HIVEP3: variants seen among roughly 807,000 people sequenced by gnomAD.
The protein encoded by HIVEP3 is HIVEP zinc finger 3.
In HIVEP3, 49 loss-of-function variants were observed where a neutral mutation model predicts 152.8. That is an observed-to-expected ratio of 0.32 (90% CI 0.26 to 0.41). The LOEUF (loss-of-function observed/expected upper bound fraction) is 0.41, where lower values mean the gene tolerates loss of function less well. Ranked by LOEUF, HIVEP3 falls within the 10% of genes least tolerant of loss-of-function variation. The pLI, the probability that HIVEP3 is intolerant of heterozygous loss-of-function variation, is 1.00. For missense variants in HIVEP3, 2,790 were observed against 3,103.3 expected (o/e 0.90, Z 2.40); for synonymous variants, 1,269 against 1,289.0 (o/e 0.98, Z 0.33).
chr1:41,851,884 G>A (rs1428716445), intron 1 of HIVEP3, among the ~76,000 whole-genome samples: 1 of 152,120 alleles, frequency 6.6e-6, no homozygotes, highest in Non-Finnish European at 1.5e-5. Flanking sequence ...GCAATGAGGT[G>A]TACTGGAATG....
intron 5 of HIVEP3, among the ~76,000 whole-genome samples, chr1:41,569,735 A>G (rs1396777151): frequency 6.8e-6 from 1 of 148,070 alleles, no homozygotes; most frequent in Non-Finnish European, 1.5e-5. Context: ...ATACACAGGC[A>G]CACACACACA....
chr1:41,716,884 A>G (rs1270139088), intron 1 of HIVEP3, among the ~76,000 whole-genome samples: 1 of 152,212 alleles, frequency 6.6e-6, no homozygotes, highest in East Asian at 1.9e-4. Context: ...TGTCACTCTC[A>G]GGCATGACTC....
chr1:41,843,384 GA>G (rs1360215438), intron 1 of HIVEP3, among the ~76,000 whole-genome samples: 1 of 152,182 alleles, frequency 6.6e-6, no homozygotes. Context: ...GCATAAATCA[GA>G]AGTTGATTTC....
chr1:41,655,152 A>T (rs1645610063), intron 2 of HIVEP3, among the ~76,000 whole-genome samples: 2 of 152,114 alleles, frequency 1.3e-5, no homozygotes, highest in South Asian at 2.1e-4. Flanking sequence ...CCAGCTTCAA[A>T]TGAGATGTTT....
At chr1:41,757,395 G>C (rs1301854763) in intron 1 of HIVEP3, among the ~76,000 whole-genome samples, 1 of 151,898 alleles carries the variant, frequency 6.6e-6, no homozygotes, top group Non-Finnish European at 1.5e-5. Flanking sequence ...GGGATTACAG[G>C]CGTGAGCCAC....
chr1:41,561,648 G>T (rs576143400), intron 5 of HIVEP3, among the ~76,000 whole-genome samples: 114 of 131,102 alleles, frequency 8.7e-4, no homozygotes, highest in African/African-American at 2.7e-3. Context: ...GAGTAGCTGG[G>T]ACTATAGGCA....
chr1:41,556,713 A>G (rs898653238), intron 5 of HIVEP3, among the ~76,000 whole-genome samples: 11 of 152,208 alleles, frequency 7.2e-5, no homozygotes, highest in Non-Finnish European at 1.2e-4. Context: ...TGCCAAATCC[A>G]ATTTCATGAA....
At chr1:41,559,780 G>A (rs925879576) in intron 5 of HIVEP3, among the ~76,000 whole-genome samples, 1 of 152,210 alleles carries the variant, frequency 6.6e-6, no homozygotes, top group Non-Finnish European at 1.5e-5. Context: ...GAGGAATTAC[G>A]ATTAAGTGAT....
intron 1 of HIVEP3, among the ~76,000 whole-genome samples, chr1:41,967,881 T>TACAA (rs1464662510): frequency 6.6e-6 from 1 of 152,088 alleles, no homozygotes; most frequent in African/African-American, 2.4e-5. Flanking sequence ...CCCACAAAAA[T>TACAA]ACAAACAACT....
intron 5 of HIVEP3, among the ~76,000 whole-genome samples, chr1:41,549,032 ACCC>A (rs1450303404): frequency 2.3e-5 from 2 of 85,202 alleles, no homozygotes; most frequent in Non-Finnish European, 4.9e-5. Flanking sequence ...CCTGCCCCCC[ACCC>A]CCCAACAGGC....
chr1:41,828,861 G>T (rs1642878972), intron 1 of HIVEP3, among the ~76,000 whole-genome samples: 2 of 152,254 alleles, frequency 1.3e-5, no homozygotes, highest in Admixed American at 1.3e-4. Context: ...GCTCTTTAAA[G>T]TCTAGTTCAT....
At chr1:41,773,722 T>G (rs189263688) in intron 1 of HIVEP3, among the ~76,000 whole-genome samples, 38 of 152,330 alleles carry the variant, frequency 2.5e-4, no homozygotes, top group African/African-American at 8.9e-4. Flanking sequence ...CCAGAGAAAG[T>G]AAAAACTGCC....
intron 1 of HIVEP3, among the ~76,000 whole-genome samples, chr1:41,718,303 G>A (rs998294661): frequency 5.3e-5 from 8 of 152,248 alleles, no homozygotes; most frequent in African/African-American, 1.9e-4. Flanking sequence ...AGGCCAGACA[G>A]ACTGGCCGTG....
intron 1 of HIVEP3, among the ~76,000 whole-genome samples, chr1:41,954,351 T>C (rs776935922): frequency 2.8e-4 from 43 of 152,240 alleles, no homozygotes; most frequent in Admixed American, 5.2e-4. Context: ...ACAGTAAGCC[T>C]TTGTTTTGCT....
At chr1:41,530,033 C>T (rs1191125948) in intron 5 of HIVEP3, among the ~76,000 whole-genome samples, 5 of 151,436 alleles carry the variant, frequency 3.3e-5, no homozygotes, top group African/African-American at 7.3e-5. Flanking sequence ...ACCACACTCA[C>T]GCTCATACAC....
chr1:41,986,705 G>T (rs1346955816), intron 1 of HIVEP3, among the ~76,000 whole-genome samples: 4 of 152,192 alleles, frequency 2.6e-5, no homozygotes, highest in Non-Finnish European at 5.9e-5. Context: ...CTCCCAAAGT[G>T]CTGGGATTAC....
intron 1 of HIVEP3, among the ~76,000 whole-genome samples, chr1:41,715,626 A>G (rs1646580958): frequency 1.3e-5 from 2 of 152,224 alleles, no homozygotes; most frequent in South Asian, 4.1e-4. Flanking sequence ...TGGTCATGCA[A>G]TATGAAGGAG....
At position 41,510,765 on chromosome 1, in the gene HIVEP3, T is replaced by TGGGCTCTGCAGGTGC; in HGVS notation, c.6892_6906dup (p.Ala2298_Pro2302dup). On this transcript the variant is annotated inframe_insertion, in exon 9 of 9. Coordinates refer to ENST00000372583, the MANE Select transcript of HIVEP3 (RefSeq NM_024503.5). The stretch of plus-strand genomic sequence containing the variant: ...GGGGTGCAGGGGCTGTGCGTGGGTG[T>TGGGCTCTGCAGGTGC]GGGCTCTGCAGGTGCCCCGGTCCCA... The TGGGCTCTGCAGGTGC allele has an allele frequency of 1.3e-6, 2 of 1,598,852 alleles. No homozygotes were observed. The highest frequency in any genetic ancestry group is 1.7e-6 in the Non-Finnish European group (2 of 1,173,204).
intron 5 of HIVEP3, chr1:41,544,430 A>C (rs1321037671): frequency 6.6e-6 from 1 of 151,890 alleles, no homozygotes; most frequent in Non-Finnish European, 1.5e-5. Context: ...CCCCTCTTTG[A>C]ATTGATTAAA....
Sources: allele counts gnomAD v4.1 joint callset (sites outside exome capture counted in the v4.1 genomes callset), GRCh38; gene constraint gnomAD v4.1.1; transcripts MANE v1.5; gene names NCBI Gene and HGNC (gene_info 2026-07-23, HGNC 2026-07-21).